The following DNM3 variants were observed in gnomAD, a reference collection of about 807,000 sequenced individuals.
DNM3 encodes dynamin 3.
Under a neutral mutation model 101.6 loss-of-function variants are expected in DNM3, and 47 were observed. The observed-to-expected ratio is 0.46, with a 90% CI of 0.37 to 0.59. DNM3 has a LOEUF of 0.59. Ranked by LOEUF, DNM3 falls within the 20% of genes least tolerant of loss-of-function variation. DNM3 has a pLI of 0.00. For missense variants in DNM3, 849 were observed against 1,085.7 expected, an observed-to-expected ratio of 0.78 and a Z score of 3.06; for synonymous variants, 385 against 387.9, an observed-to-expected ratio of 0.99 and a Z score of 0.09.
At chr1:172,242,793 C>T (rs537656821) in intron 14 of DNM3, among the ~76,000 whole-genome samples, 1 of 152,292 alleles carries the variant, frequency 6.6e-6, no homozygotes, top group South Asian at 2.1e-4. Context: ...GCTGCCACAA[C>T]CTCACTACCA....
At position 172,032,472 on chromosome 1, in the gene DNM3, A is replaced by G. The variant is rs1424212723; in HGVS notation, c.660A>G (p.Leu220=). The G allele has an allele frequency of 2.5e-6, 4 of 1,603,826 alleles. No individual in the cohort carries two copies. Among genetic ancestry groups the G allele is most frequent in the Non-Finnish European group, 3.4e-6 (4 of 1,173,960 alleles). ...AAGGAACGGATGCCAGGGATGTTCT[A>G]GAGAACAAACTGTTGCCTCTTCGCA... The part of the protein sequence containing the change: ...MDEGTDARDV[L]ENKLLPLRRG... Residue 220 remains leucine, a synonymous_variant, in exon 5 of 21, where the codon CTA becomes CTG. Coordinates refer to ENST00000627582, the MANE Select transcript of DNM3 (RefSeq NM_015569.5).
chr1:172,164,859 C>T (rs1388192500), intron 14 of DNM3, among the ~76,000 whole-genome samples: 1 of 151,944 alleles, frequency 6.6e-6, no homozygotes, highest in Non-Finnish European at 1.5e-5. Flanking sequence ...GGGCATCAGA[C>T]ATGGTAACCC....
Position 172,411,885 on chromosome 1 carries a change from T to C in DNM3, c.*4044T>C, listed in dbSNP as rs1046418868. On this transcript the variant is annotated 3_prime_UTR_variant, in exon 21 of 21. Transcript: ENST00000627582. ...TGATTTTGAAGAAATGATTATTCGTTCACCAGATCACTCATTGTACATTCT... is the reference window on the plus strand; with the variant it reads ...TGATTTTGAAGAAATGATTATTCGTCCACCAGATCACTCATTGTACATTCT... 5.1e-6 allele frequency: 5 copies of C among 985,702 alleles called. No individual in the cohort carries two copies. In the East Asian group the frequency reaches 4.5e-4, roughly 89 times the overall value. 61.1% of individuals were successfully genotyped at this position (985,702 alleles called of 1,614,324 possible). A position where few individuals can be genotyped will look rare whatever the true frequency, so the allele number is the denominator to read the frequency against.
chr1:172,126,395 T>C (rs2056618415), intron 13 of DNM3, among the ~76,000 whole-genome samples: 5 of 152,224 alleles, frequency 3.3e-5, no homozygotes, highest in Admixed American at 2.6e-4. Context: ...TTGCAAGTGA[T>C]ATAATGTCAT....
At chr1:172,209,009 G>A (rs547873411) in intron 14 of DNM3, among the ~76,000 whole-genome samples, 17 of 152,216 alleles carry the variant, frequency 1.1e-4, no homozygotes, top group Middle Eastern at 3.4e-3. Context: ...CATGTGCTGA[G>A]TTGTGTGTGT....
chr1:172,253,904 T>C (rs2062289929), intron 15 of DNM3, among the ~76,000 whole-genome samples: 1 of 152,164 alleles, frequency 6.6e-6, no homozygotes, highest in Non-Finnish European at 1.5e-5. Flanking sequence ...ACTAATTATT[T>C]CTTGCTTTTC....
intron 20 of DNM3, among the ~76,000 whole-genome samples, chr1:172,406,532 A>G (rs2070899586): frequency 6.6e-6 from 1 of 152,034 alleles, no homozygotes; most frequent in African/African-American, 2.4e-5. Flanking sequence ...TTTCAAGTGC[A>G]TGAGGTAAAA....
chr1:172,143,500 T>C (rs2057703104), intron 14 of DNM3, among the ~76,000 whole-genome samples: 1 of 152,090 alleles, frequency 6.6e-6, no homozygotes, highest in Non-Finnish European at 1.5e-5. Context: ...GAGGGTTTTC[T>C]TCCCTCCCAC....
intron 2 of DNM3, among the ~76,000 whole-genome samples, chr1:171,962,620 T>A (rs556271308): frequency 6.6e-6 from 1 of 152,150 alleles, no homozygotes; most frequent in Non-Finnish European, 1.5e-5. Context: ...CATGACCTCA[T>A]GTGGTAGAGA....
intron 10 of DNM3, among the ~76,000 whole-genome samples, chr1:172,061,180 T>G (rs1046241055): frequency 6.6e-6 from 1 of 150,982 alleles, no homozygotes; most frequent in Non-Finnish European, 1.5e-5. Flanking sequence ...AGGGCAATCA[T>G]TAAAAAGTCA....
At chr1:172,217,209 C>T (rs1400378696) in intron 14 of DNM3, among the ~76,000 whole-genome samples, 2 of 152,164 alleles carry the variant, frequency 1.3e-5, no homozygotes, top group Non-Finnish European at 2.9e-5. Flanking sequence ...TCACTACTAT[C>T]CCTTAAAATA....
intron 16 of DNM3, among the ~76,000 whole-genome samples, chr1:172,316,499 A>G (rs1048873614): frequency 6.6e-6 from 1 of 152,124 alleles, no homozygotes; most frequent in Non-Finnish European, 1.5e-5. Context: ...AACCCATCTC[A>G]CGTGCAGAGA....
intron 1 of DNM3, among the ~76,000 whole-genome samples, chr1:171,853,534 C>T (rs2033226383): frequency 6.6e-6 from 1 of 152,174 alleles, no homozygotes; most frequent in Admixed American, 6.5e-5. Context: ...CAATTTCTTT[C>T]AGTGGTATAC....
intron 1 of DNM3, among the ~76,000 whole-genome samples, chr1:171,843,477 T>C (rs1003842555): frequency 6.6e-6 from 1 of 152,216 alleles, no homozygotes; most frequent in Admixed American, 6.5e-5. Flanking sequence ...GCCAGGGCAT[T>C]TTTGTCATGA....
At chr1:172,167,112 C>T (rs1395488696) in intron 14 of DNM3, among the ~76,000 whole-genome samples, 1 of 151,938 alleles carries the variant, frequency 6.6e-6, no homozygotes, top group African/African-American at 2.4e-5. Context: ...ATGTTCCTCA[C>T]CCTGTGTCCA....
chr1:171,901,263 C>T (rs890167039), intron 1 of DNM3, among the ~76,000 whole-genome samples: 4 of 151,948 alleles, frequency 2.6e-5, no homozygotes. Context: ...TCTATGATGT[C>T]TTATACAGCA....
At chr1:172,221,785 C>G (rs1361783886) in intron 14 of DNM3, among the ~76,000 whole-genome samples, 1 of 152,090 alleles carries the variant, frequency 6.6e-6, no homozygotes, top group Non-Finnish European at 1.5e-5. Context: ...TCTGGGACTC[C>G]CCATTCCTCT....
At chr1:172,301,401 C>T (rs2064443016) in intron 15 of DNM3, among the ~76,000 whole-genome samples, 1 of 151,974 alleles carries the variant, frequency 6.6e-6, no homozygotes, top group African/African-American at 2.4e-5. Context: ...ACATGGGAGG[C>T]TGAGGTGGAA....
intron 2 of DNM3, among the ~76,000 whole-genome samples, chr1:171,951,078 T>C (rs1465491667): frequency 6.6e-6 from 1 of 152,190 alleles, no homozygotes; most frequent in African/African-American, 2.4e-5. Flanking sequence ...ACATGACTAA[T>C]TACATACATT....
Sources: gnomAD v4.1 joint callset for allele counts (sites outside exome capture counted in the v4.1 genomes callset) on GRCh38, gnomAD v4.1.1 for gene constraint, MANE v1.5 for transcripts, NCBI Gene and HGNC (gene_info 2026-07-23, HGNC 2026-07-21) for gene names.